Variants in GNAQ observed in about 807,000 individuals in gnomAD.
GNAQ encodes G protein subunit alpha q.
Under a neutral mutation model 43.9 loss-of-function variants are expected in GNAQ, and 8 were observed. The ratio of observed to expected loss-of-function variants is 0.18; its 90% CI spans 0.11 to 0.33. The LOEUF (loss-of-function observed/expected upper bound fraction) is 0.33, where lower values mean the gene tolerates loss of function less well. Among genes scored for constraint, GNAQ ranks in the 10% least tolerant of loss-of-function variants. The pLI, the probability that GNAQ is intolerant of heterozygous loss-of-function variation, is 1.00. For missense variants in GNAQ, 158 were observed against 450.8 expected, an observed-to-expected ratio of 0.35 and a Z score of 5.88; for synonymous variants, 155 against 170.7, an observed-to-expected ratio of 0.91 and a Z score of 0.71.
intron 2 of GNAQ, among the ~76,000 whole-genome samples, chr9:77,850,115 C>G (rs910464509): frequency 6.6e-6 from 1 of 152,272 alleles, no homozygotes; most frequent in Non-Finnish European, 1.5e-5. Flanking sequence ...ACACACTTCA[C>G]CTGATGGCCG....
At chr9:77,745,054 G>C (rs1194960318) in intron 5 of GNAQ, among the ~76,000 whole-genome samples, 2 of 152,340 alleles carry the variant, frequency 1.3e-5, no homozygotes, top group East Asian at 3.9e-4. Flanking sequence ...AGATTTGTGT[G>C]AGTAAATGAT....
chr9:77,993,709 GA>G (rs941096786), intron 1 of GNAQ, among the ~76,000 whole-genome samples: 5 of 141,632 alleles, frequency 3.5e-5, no homozygotes, highest in East Asian at 2.1e-4. Context: ...CTCAGGGGAA[GA>G]AAAAAAAAAG....
At chr9:77,899,702 C>A (rs563426416) in intron 2 of GNAQ, among the ~76,000 whole-genome samples, 1 of 151,868 alleles carries the variant, frequency 6.6e-6, no homozygotes, top group Non-Finnish European at 1.5e-5. Flanking sequence ...AGGTCAGAGG[C>A]GAAAGACAGC....
At chr9:77,988,426 T>G (rs745837363) in intron 1 of GNAQ, among the ~76,000 whole-genome samples, 4 of 152,252 alleles carry the variant, frequency 2.6e-5, no homozygotes, top group Non-Finnish European at 5.9e-5. Context: ...TGTTGATTAA[T>G]CTGCCAAAGG....
At chr9:77,968,781 G>C (rs1384750009) in intron 1 of GNAQ, among the ~76,000 whole-genome samples, 1 of 152,214 alleles carries the variant, frequency 6.6e-6, no homozygotes, top group African/African-American at 2.4e-5. Flanking sequence ...TTATGCCGGG[G>C]CTCTTAAAGA....
chr9:77,918,566 A>T lies in GNAQ; in HGVS notation c.321+3595T>A, dbSNP rs1201430814. ...AATAAACACAAGAAAATAAAATCCA[A>T]ATTTAGCCTGCATGTGAAATCTTTC... On this transcript the variant is annotated intron_variant, in intron 2 of 6. Transcript: ENST00000286548. Among the ~76,000 whole-genome samples the T allele has an allele frequency of 2.0e-4, 30 of 152,140 alleles. 1 individual carries two copies. The highest frequency in any genetic ancestry group is 2.0e-3 in the Admixed American group (30 of 15,264).
At chr9:77,804,685 T>G (rs1380182652) in intron 3 of GNAQ, among the ~76,000 whole-genome samples, 1 of 152,110 alleles carries the variant, frequency 6.6e-6, no homozygotes, top group Non-Finnish European at 1.5e-5. Flanking sequence ...CAATGTAGCA[T>G]GACACGGGGT....
chr9:77,747,656 T>C (rs1326532451), intron 5 of GNAQ, among the ~76,000 whole-genome samples: 3 of 152,194 alleles, frequency 2.0e-5, no homozygotes, highest in Non-Finnish European at 2.9e-5. Flanking sequence ...ATACACTGTA[T>C]TGAGAAAACT....
At chr9:78,015,079 C>T (rs1823822030) in intron 1 of GNAQ, among the ~76,000 whole-genome samples, 1 of 152,192 alleles carries the variant, frequency 6.6e-6, no homozygotes, top group Non-Finnish European at 1.5e-5. Flanking sequence ...AATTTCCAGC[C>T]TGCAAGCTCC....
chr9:77,935,857 G>T (rs1182201044), intron 1 of GNAQ, among the ~76,000 whole-genome samples: 1 of 152,082 alleles, frequency 6.6e-6, no homozygotes, highest in Non-Finnish European at 1.5e-5. Flanking sequence ...TTCCCCTTCA[G>T]TTTCTTCAGA....
intron 3 of GNAQ, among the ~76,000 whole-genome samples, chr9:77,803,417 G>A (rs1335247038): frequency 4.6e-5 from 7 of 152,188 alleles, no homozygotes; most frequent in Non-Finnish European, 8.8e-5. Context: ...AGTGCAAACT[G>A]AGGAGGTGGG....
At chr9:77,755,198 TAGAG>T (rs956835357) in intron 5 of GNAQ, among the ~76,000 whole-genome samples, 8 of 152,100 alleles carry the variant, frequency 5.3e-5, no homozygotes, top group African/African-American at 1.4e-4. Flanking sequence ...TTCATGCAGA[TAGAG>T]AGCAGAATGA....
intron 1 of GNAQ, among the ~76,000 whole-genome samples, chr9:77,949,909 G>C (rs1019828370): frequency 6.6e-6 from 1 of 151,960 alleles, no homozygotes; most frequent in East Asian, 1.9e-4. Flanking sequence ...TGAATCCTTG[G>C]AAGAAGCTAT....
At chr9:77,779,745 C>T (rs1587913112) in intron 5 of GNAQ, among the ~76,000 whole-genome samples, 1 of 145,948 alleles carries the variant, frequency 6.9e-6, no homozygotes, top group East Asian at 2.0e-4. Flanking sequence ...AGAGTGATCA[C>T]TATAGATCAC....
intron 2 of GNAQ, among the ~76,000 whole-genome samples, chr9:77,880,346 G>A (rs1166686348): frequency 6.6e-6 from 1 of 152,122 alleles, no homozygotes; most frequent in Non-Finnish European, 1.5e-5. Flanking sequence ...AAGACAGCCA[G>A]TAAGTCAAGA....
intron 1 of GNAQ, among the ~76,000 whole-genome samples, chr9:77,986,803 C>CTTTTTTTTTT (rs56978328): frequency 8.1e-6 from 1 of 123,566 alleles, no homozygotes; most frequent in African/African-American, 3.1e-5. Flanking sequence ...GCACCTGGCC[C>CTTTTTTTTTT]TTTTTTTTTT....
chr9:77,830,384 G>A (rs1827279137), intron 2 of GNAQ, among the ~76,000 whole-genome samples: 1 of 152,140 alleles, frequency 6.6e-6, no homozygotes, highest in Non-Finnish European at 1.5e-5. Context: ...ACCTGAGGAA[G>A]ACAAAGATAG....
intron 2 of GNAQ, among the ~76,000 whole-genome samples, chr9:77,889,277 G>A (rs1291138365): frequency 2.0e-5 from 3 of 151,292 alleles, no homozygotes; most frequent in African/African-American, 4.9e-5. Flanking sequence ...GTGTGGTGGT[G>A]CGTGCCTGTA....
At chr9:77,852,388 T>C (rs537266523) in intron 2 of GNAQ, among the ~76,000 whole-genome samples, 1 of 152,210 alleles carries the variant, frequency 6.6e-6, no homozygotes, top group Non-Finnish European at 1.5e-5. Context: ...GGCAGAGCAA[T>C]GAAGAAGGGT....
Sources: gnomAD v4.1 joint callset for allele counts (sites outside exome capture counted in the v4.1 genomes callset) on GRCh38, gnomAD v4.1.1 for gene constraint, MANE v1.5 for transcripts, NCBI Gene and HGNC (gene_info 2026-07-23, HGNC 2026-07-21) for gene names.